CHL1: variants seen among roughly 807,000 people sequenced by gnomAD.
CHL1 encodes the protein cell adhesion molecule L1 like.
In CHL1, 96 loss-of-function variants were observed where a neutral mutation model predicts 141.9. That is an observed-to-expected ratio of 0.68 (90% CI 0.57 to 0.80). CHL1 has a LOEUF of 0.80. CHL1 is among the 30% of genes least tolerant of loss of function. The pLI is 0.00. For synonymous variants in CHL1, 613 were observed against 502.2 expected (o/e 1.22, Z -2.95); for missense variants, 1,820 against 1,457.2 (o/e 1.25, Z -4.05).
rs1709144373 is a variant in CHL1 at position 401,621 on chromosome 3, T to C, written c.3386-5T>C. 6 of 1,567,838 alleles carry C rather than the reference T, an allele frequency of 3.8e-6. No homozygotes were observed. Among genetic ancestry groups the C allele is most frequent in the African/African-American group, 1.4e-5 (1 of 73,320 alleles). ...TACTTTTCCCACTTTTTTTCTCTTTTTTAGTTAAAGAAAAGGAAGATTTGC... is the reference window on the plus strand; with the variant it reads ...TACTTTTCCCACTTTTTTTCTCTTTCTTAGTTAAAGAAAAGGAAGATTTGC... On this transcript the variant is annotated splice_polypyrimidine_tract_variant and splice_region_variant and intron_variant, in intron 26 of 27. Transcript: ENST00000256509.
chr3:328,412 A>T (rs1325499771), intron 5 of CHL1, 58 bp downstream of exon 5: 2 of 1,355,984 alleles, frequency 1.5e-6, no homozygotes, highest in Admixed American at 4.3e-5. Context: ...GTTAAATAGG[A>T]GTTAGATTGG....
At chr3:351,247 G>A (rs1703228628) in intron 10 of CHL1, among the ~76,000 whole-genome samples, 2 of 152,140 alleles carry the variant, frequency 1.3e-5, no homozygotes, top group African/African-American at 2.4e-5. Context: ...GACTCCAAAG[G>A]AATATAGATT....
rs1330795808 is a variant in CHL1, at chr3:407,914, A to G, written c.*2203A>G. 6.6e-6 allele frequency: 1 copy of G among 152,144 alleles called. No homozygotes were observed. Among genetic ancestry groups the G allele is most frequent in the East Asian group, 1.9e-4 (1 of 5,186 alleles). 9.4% of individuals were successfully genotyped at this position (152,144 alleles called of 1,614,324 possible). A position where few individuals can be genotyped will look rare whatever the true frequency, so the allele number is the denominator to read the frequency against. Reference sequence around the variant, plus strand: ...TTCTGAGTGGCTAAAACTTATGGATATGAAAAATGAGATTGAATGATGACT... The same window carrying G: ...TTCTGAGTGGCTAAAACTTATGGATGTGAAAAATGAGATTGAATGATGACT... On this transcript the variant is annotated 3_prime_UTR_variant, in exon 28 of 28. Coordinates refer to ENST00000256509, the MANE Select transcript of CHL1 (RefSeq NM_006614.4).
At chr3:307,931 G>A (rs548163368) in intron 2 of CHL1, among the ~76,000 whole-genome samples, 3 of 152,288 alleles carry the variant, frequency 2.0e-5, no homozygotes, top group African/African-American at 7.2e-5. Context: ...AAAAGTTAAT[G>A]ATTTGTTTTT....
At chr3:355,344 A>C (rs1231355607) in intron 11 of CHL1, among the ~76,000 whole-genome samples, 3 of 152,048 alleles carry the variant, frequency 2.0e-5, no homozygotes, top group African/African-American at 7.2e-5. Context: ...GAAAATCCCC[A>C]TGCCCGGTCC....
intron 14 of CHL1, among the ~76,000 whole-genome samples, chr3:365,469 C>T (rs1450697853): frequency 6.6e-6 from 1 of 152,144 alleles, no homozygotes; most frequent in East Asian, 1.9e-4. Flanking sequence ...GCCCTACTTC[C>T]CTGAGGCTTG....
intron 11 of CHL1, among the ~76,000 whole-genome samples, chr3:359,757 A>G (rs1196261085): frequency 6.6e-6 from 1 of 152,216 alleles, no homozygotes; most frequent in Non-Finnish European, 1.5e-5. Flanking sequence ...AGCAATGTAC[A>G]TGAAGTGGTT....
Position 341,892 on chromosome 3 carries a change from G to C in CHL1, c.509-20G>C. On this transcript the variant is annotated intron_variant, in intron 6 of 27. Coordinates refer to ENST00000256509, the MANE Select transcript of CHL1 (RefSeq NM_006614.4). ...GTAAGGGACAATTGCCCTTTTCAAT[G>C]GCAAGATATCTCTTTTCAGAATTAG... 1 of 1,552,760 alleles carries C rather than the reference G, an allele frequency of 6.4e-7. No homozygotes were observed.
At position 200,899 on chromosome 3, in the gene CHL1, C is replaced by T. The variant is rs140476955; in HGVS notation, c.-175+3836C>T. 3.0e-3 allele frequency among the ~76,000 whole-genome samples: 454 copies of T among 152,320 alleles called. 1 individual carries two copies. The highest frequency in any genetic ancestry group is 0.01 in the African/African-American group (426 of 41,584). ...TTTTCTAATTTGGGAGGCTGCTTAA[C>T]ACCTTAAACATTACTAATTACTGCA... On this transcript the variant is annotated intron_variant, in intron 1 of 27. Transcript: ENST00000256509.
At chr3:250,676 A>G (rs1302524019) in intron 2 of CHL1, among the ~76,000 whole-genome samples, 1 of 152,016 alleles carries the variant, frequency 6.6e-6, no homozygotes, top group African/African-American at 2.4e-5. Context: ...CTCAAAGTAA[A>G]CCTTATTGCC....
intron 1 of CHL1, among the ~76,000 whole-genome samples, chr3:204,818 T>C (rs1299321257): frequency 6.6e-6 from 1 of 152,168 alleles, no homozygotes; most frequent in African/African-American, 2.4e-5. Flanking sequence ...AAAATCATAA[T>C]GTCTTGCATT....
intron 26 of CHL1, among the ~76,000 whole-genome samples, chr3:400,983 C>T (rs1709083154): frequency 7.0e-6 from 1 of 143,400 alleles, no homozygotes; most frequent in Non-Finnish European, 1.5e-5. Flanking sequence ...CTCTTTGCAA[C>T]TTCTGCCTCC....
intron 19 of CHL1, chr3:385,761 G>T (rs1160031505): frequency 1.2e-4 from 18 of 151,066 alleles, no homozygotes; most frequent in African/African-American, 4.4e-4. Context: ...CCGGGAGGTG[G>T]AGGTTACAGT....
intron 1 of CHL1, among the ~76,000 whole-genome samples, chr3:201,036 T>C (rs1698881821): frequency 1.3e-5 from 2 of 152,198 alleles, no homozygotes; most frequent in Non-Finnish European, 2.9e-5. Context: ...GGATTTAAGT[T>C]TATCTTCTGA....
At chr3:376,559 A>G (rs916262546) in intron 15 of CHL1, among the ~76,000 whole-genome samples, 1 of 152,216 alleles carries the variant, frequency 6.6e-6, no homozygotes, top group Admixed American at 6.5e-5. Context: ...AAAAATTGGT[A>G]GCTTTCTTCT....
At chr3:243,095 C>T (rs1019867671) in intron 1 of CHL1, among the ~76,000 whole-genome samples, 3 of 152,148 alleles carry the variant, frequency 2.0e-5, no homozygotes, top group Non-Finnish European at 4.4e-5. Context: ...GAATGCATGA[C>T]ATTCTTTATC....
chr3:237,347 G>C (rs1047265645), intron 1 of CHL1, among the ~76,000 whole-genome samples: 1 of 152,178 alleles, frequency 6.6e-6, no homozygotes, highest in Non-Finnish European at 1.5e-5. Flanking sequence ...AGTCTCCTGA[G>C]GCTTCCCAAG....
chr3:285,861 G>T (rs921047765), intron 2 of CHL1, among the ~76,000 whole-genome samples: 1 of 151,912 alleles, frequency 6.6e-6, no homozygotes. Context: ...TGCCTGCCTT[G>T]ATGCTTAGGA....
At chr3:314,329 G>GTATGTATATA (rs1699996403) in intron 2 of CHL1, among the ~76,000 whole-genome samples, 9 of 65,344 alleles carry the variant, frequency 1.4e-4, no homozygotes, top group African/African-American at 4.2e-4. Context: ...CTCTCTATGT[G>GTATGTATATA]TATATATATA....
Sources: gnomAD v4.1 joint callset for allele counts (sites outside exome capture counted in the v4.1 genomes callset) on GRCh38, gnomAD v4.1.1 for gene constraint, MANE v1.5 for transcripts, NCBI Gene and HGNC (gene_info 2026-07-23, HGNC 2026-07-21) for gene names.